GRAMD2B: variants seen among roughly 807,000 people sequenced by gnomAD.
GRAMD2B encodes the protein GRAM domain-containing protein 2B.
GRAMD2B carries 41 observed loss-of-function variants against 59.2 expected under a neutral mutation model. The ratio of observed to expected loss-of-function variants is 0.69; its 90% CI spans 0.54 to 0.90. The LOEUF (loss-of-function observed/expected upper bound fraction) is 0.90, where lower values mean the gene tolerates loss of function less well. Ranked by LOEUF, GRAMD2B falls within the 40% of genes least tolerant of loss-of-function variation. The pLI is 0.00. For synonymous variants in GRAMD2B, 161 were observed against 182.7 expected (o/e 0.88, Z 0.96); for missense variants, 424 against 500.5 (o/e 0.85, Z 1.46).
intron 8 of GRAMD2B, among the ~76,000 whole-genome samples, chr5:126,482,202 G>C (rs774656749): frequency 2.0e-5 from 3 of 152,148 alleles, no homozygotes; most frequent in Non-Finnish European, 4.4e-5. Flanking sequence ...CTGCTAATGG[G>C]TATGGGCTTT....
chr5:126,400,308 GATA>G (rs1214651833), intron 1 of GRAMD2B, among the ~76,000 whole-genome samples: 5 of 152,058 alleles, frequency 3.3e-5, no homozygotes, highest in African/African-American at 7.2e-5. Context: ...ATTGTAAGCT[GATA>G]ATAACTCCAA....
chr5:126,385,672 T>C (rs1161050735), intron 1 of GRAMD2B, among the ~76,000 whole-genome samples: 3 of 152,178 alleles, frequency 2.0e-5, no homozygotes, highest in Non-Finnish European at 4.4e-5. Context: ...TAGAGATCCA[T>C]TGGTGAATAA....
At chr5:126,417,729 C>T (rs1355864477) in intron 1 of GRAMD2B, among the ~76,000 whole-genome samples, 1 of 152,208 alleles carries the variant, frequency 6.6e-6, no homozygotes, top group Admixed American at 6.5e-5. Context: ...TTTCTTTCCC[C>T]ACAAACATTG....
Position 126,373,491 on chromosome 5 carries a change from A to G in GRAMD2B, c.125+1924A>G, listed in dbSNP as rs1238756585. On this transcript the variant is annotated intron_variant, in intron 1 of 8. Transcript: ENST00000506445. ...CACAGTGTTTGTATTCAATCACTCA[A>G]TTCAACAAAAGTTTATTGAGTAATT... 1.3e-5 allele frequency among the ~76,000 whole-genome samples: 2 copies of G among 152,348 alleles called. 1 individual carries two copies. Among genetic ancestry groups the G allele is most frequent in the East Asian group, 3.9e-4 (2 of 5,186 alleles).
In GRAMD2B at chr5:126,483,560, C is replaced by A; in HGVS notation, c.833C>A (p.Ser278Tyr). ...YSSSGSQTPE[S>Y]ENSRDFHATE... ...AGTTCTGGTTCTCAAACTCCTGAATCTGAGAACTCTCGAGGTTTGGGAAAT... is the reference window on the plus strand; with the variant it reads ...AGTTCTGGTTCTCAAACTCCTGAATATGAGAACTCTCGAGGTTTGGGAAAT... The change falls in exon 9 of 14, where the codon TCT becomes TAT. Residue 278 changes from serine (S) to tyrosine (Y), a missense_variant. Coordinates refer to ENST00000285689, the MANE Select transcript of GRAMD2B (RefSeq NM_023927.4). The A allele has an allele frequency of 6.2e-7, 1 of 1,601,510 alleles. No homozygotes were observed. Among genetic ancestry groups the A allele is most frequent in the Non-Finnish European group, 8.5e-7 (1 of 1,169,768 alleles).
intron 1 of GRAMD2B, among the ~76,000 whole-genome samples, chr5:126,429,379 A>G (rs923643095): frequency 6.6e-6 from 1 of 152,200 alleles, no homozygotes; most frequent in African/African-American, 2.4e-5. Flanking sequence ...ACTGGGATCT[A>G]TTGGAGGGTG....
chr5:126,371,249 G>A, upstream of GRAMD2B: 1 of 1,037,034 alleles, frequency 9.6e-7, no homozygotes. Flanking sequence ...AAACCGCCCT[G>A]TGTCACACTG....
chr5:126,366,904 G>T (rs1754470716), upstream of GRAMD2B, among the ~76,000 whole-genome samples: 1 of 141,104 alleles, frequency 7.1e-6, no homozygotes, highest in Non-Finnish European at 1.5e-5. Context: ...ACCCAAGCTG[G>T]AGTGCAGTGG....
chr5:126,459,131 C>G (rs946095262), intron 1 of GRAMD2B: 2 of 152,176 alleles, frequency 1.3e-5, no homozygotes, highest in African/African-American at 4.8e-5. Context: ...GAACTGAAAG[C>G]CTTTCACATT....
chr5:126,465,896 C>G (rs1028312873), intron 2 of GRAMD2B, among the ~76,000 whole-genome samples: 3 of 152,028 alleles, frequency 2.0e-5, no homozygotes, highest in South Asian at 4.1e-4. Flanking sequence ...TTCCTAGGGG[C>G]CGTGAAAAAA....
At chr5:126,487,684 C>T (rs1773206986) in intron 12 of GRAMD2B, among the ~76,000 whole-genome samples, 1 of 152,322 alleles carries the variant, frequency 6.6e-6, no homozygotes, top group South Asian at 2.1e-4. Context: ...GATACATACA[C>T]ATACAAATAC....
chr5:126,413,346 T>C (rs1023769309), intron 1 of GRAMD2B, among the ~76,000 whole-genome samples: 1 of 152,190 alleles, frequency 6.6e-6, no homozygotes, highest in African/African-American at 2.4e-5. Context: ...ATTTCTGCCT[T>C]AATTTTGTTG....
intron 1 of GRAMD2B, among the ~76,000 whole-genome samples, chr5:126,361,482 G>A (rs56403651): frequency 0.02 from 1,681 of 82,824 alleles, 13 homozygotes; most frequent in Admixed American, 0.038. Flanking sequence ...TCTTAATTCC[G>A]AAATGGTAAA....
chr5:126,371,702 G>A (rs1484195412), intron 1 of GRAMD2B: 15 of 740,812 alleles, frequency 2.0e-5, no homozygotes, highest in Non-Finnish European at 1.1e-5. Flanking sequence ...GTGCAGCCTA[G>A]GCATCCTGAC....
At chr5:126,371,547 C>T in exon 1 of GRAMD2B, 1 of 1,288,958 alleles carries the variant, frequency 7.8e-7, no homozygotes, top group East Asian at 5.6e-5. Flanking sequence ...CCACAGACAG[C>T]CCCAGCTCGG....
At chr5:126,426,720 G>C (rs1407502072) in intron 1 of GRAMD2B, among the ~76,000 whole-genome samples, 1 of 152,150 alleles carries the variant, frequency 6.6e-6, no homozygotes, top group African/African-American at 2.4e-5. Context: ...TACGCTTGTA[G>C]CTGACATTCA....
chr5:126,479,377 A>C (rs189468024), intron 6 of GRAMD2B, among the ~76,000 whole-genome samples: 123 of 152,176 alleles, frequency 8.1e-4, no homozygotes, highest in Middle Eastern at 3.4e-3. Flanking sequence ...AAACTTGTAG[A>C]GAGGAGAAGA....
At chr5:126,451,512 T>C (rs1279069165) in intron 1 of GRAMD2B, among the ~76,000 whole-genome samples, 1 of 152,194 alleles carries the variant, frequency 6.6e-6, no homozygotes, top group East Asian at 1.9e-4. Context: ...ATCCAGTGCC[T>C]GTACCACCAT....
chr5:126,441,384 G>C (rs1269545744), intron 1 of GRAMD2B, among the ~76,000 whole-genome samples: 1 of 152,172 alleles, frequency 6.6e-6, no homozygotes, highest in Non-Finnish European at 1.5e-5. Context: ...CTACAGACTG[G>C]GTCCTCATTG....
Sources: gnomAD v4.1 joint callset for allele counts (sites outside exome capture counted in the v4.1 genomes callset) on GRCh38, gnomAD v4.1.1 for gene constraint, MANE v1.5 for transcripts, NCBI Gene and HGNC (gene_info 2026-07-23, HGNC 2026-07-21) for gene names.